GPR180: variants seen among roughly 807,000 people sequenced by gnomAD.
GPR180 encodes the protein G protein-coupled receptor 180.
Under a neutral mutation model 52.6 loss-of-function variants are expected in GPR180, and 53 were observed. The observed-to-expected ratio is 1.01, with a 90% confidence interval of 0.81 to 1.27. GPR180 has a LOEUF of 1.27. Ranked by LOEUF, GPR180 falls within the 50% of genes most tolerant of loss-of-function variation. The pLI is 0.00. For missense variants in GPR180, 533 were observed against 527.0 expected (o/e 1.01, Z -0.11); for synonymous variants, 200 against 193.1 (o/e 1.04, Z -0.30).
At chr13:94,623,721 A>G (rs1889886498) in intron 7 of GPR180, among the ~76,000 whole-genome samples, 2 of 151,780 alleles carry the variant, frequency 1.3e-5, no homozygotes, top group African/African-American at 4.8e-5. Context: ...TGTGACAGAC[A>G]CTACCATAAG....
Position 94,628,808 on chromosome 13 carries a change from T to C in GPR180, c.*1637T>C, listed in dbSNP as rs1889958706. ...CTTTTCTTTTATCATGTCTCGCTAA[T>C]AACCCCAGCTATTGTCTGTTGTGTT... On this transcript the variant is annotated 3_prime_UTR_variant, in exon 9 of 9. Transcript: ENST00000376958. The C allele has an allele frequency of 6.6e-6, 1 of 152,094 alleles. No individual in the cohort carries two copies. The highest frequency in any genetic ancestry group is 2.1e-4 in the South Asian group (1 of 4,830). 9.4% of individuals were successfully genotyped at this position (152,094 alleles called of 1,614,324 possible). A position where few individuals can be genotyped will look rare whatever the true frequency, so the allele number is the denominator to read the frequency against.
intron 1 of GPR180, among the ~76,000 whole-genome samples, chr13:94,605,123 G>T (rs568828674): frequency 6.6e-6 from 1 of 152,244 alleles, no homozygotes; most frequent in Non-Finnish European, 1.5e-5. Context: ...TTAATACAGT[G>T]AATTGTTCAA....
At chr13:94,624,704 G>A (rs573734633) in intron 7 of GPR180, among the ~76,000 whole-genome samples, 1 of 152,092 alleles carries the variant, frequency 6.6e-6, no homozygotes, top group African/African-American at 2.4e-5. Context: ...GCCCACGCCC[G>A]GCTAAGTTTT....
At position 94,623,199 on chromosome 13, in the gene GPR180, C is replaced by G. The variant is rs775687940; in HGVS notation, c.985C>G (p.Leu329Val). The change falls in exon 7 of 9, where the codon CTA (leucine) becomes GTA (valine). Residue 329 changes from leucine (L) to valine (V), a missense_variant. Physicochemically the swap from Leu to Val is conservative, Grantham distance 32 (BLOSUM62 1). Transcript: ENST00000376958. ...CTTAGCAGGGATCCTCCTAATTGTT[C>G]TAAGAATTTGCCTAGCATTGTCATT... ...HNLAGILLIV[L>V]RICLALSLGC... is the part of the protein sequence containing the mutation. 1.2e-6 allele frequency: 2 copies of G among 1,613,750 alleles called. No homozygotes were observed. Among genetic ancestry groups the G allele is most frequent in the South Asian group, 2.2e-5 (2 of 91,072 alleles).
chr13:94,626,295 G>A (rs1202464002), intron 8 of GPR180, among the ~76,000 whole-genome samples: 2 of 151,918 alleles, frequency 1.3e-5, no homozygotes, highest in Non-Finnish European at 2.9e-5. Flanking sequence ...TAGAAATTTT[G>A]TTTTATAAAT....
intron 2 of GPR180, among the ~76,000 whole-genome samples, chr13:94,611,935 TGTG>T (rs1330356888): frequency 1.3e-5 from 2 of 152,056 alleles, no homozygotes; most frequent in Non-Finnish European, 2.9e-5. Flanking sequence ...CCATTCTACT[TGTG>T]GTGTTTTATA....
At position 94,601,911 on chromosome 13, in the gene GPR180, C is replaced by A. The variant is rs1288362972; in HGVS notation, c.-17C>A. 2 of 1,466,520 alleles carry A rather than the reference C, an allele frequency of 1.4e-6. No homozygotes were observed. Among genetic ancestry groups the A allele is most frequent in the South Asian group, 2.7e-5 (2 of 74,792 alleles). The allele number at this position is 1,466,520 out of a possible 1,614,324, so 90.8% of individuals were successfully genotyped here. ...GCGGCTGGGAGCCGAGGCGTCGGTG[C>A]AGACCTGGAGACGGGCATGGGGGGG... On this transcript the variant is annotated 5_prime_UTR_variant, in exon 1 of 9. Coordinates refer to ENST00000376958, the MANE Select transcript of GPR180 (RefSeq NM_180989.6).
intron 3 of GPR180, among the ~76,000 whole-genome samples, chr13:94,616,210 G>A (rs904122135): frequency 6.6e-6 from 1 of 152,198 alleles, no homozygotes; most frequent in Non-Finnish European, 1.5e-5. Context: ...CTGGGTCATA[G>A]CATCATAAGA....
At position 94,632,948 on chromosome 13, in the gene GPR180, T is replaced by TA. The variant is rs1280089914; in HGVS notation, c.*5778dup. 1.3e-5 allele frequency: 2 copies of TA among 152,236 alleles called. No homozygotes were observed. Among genetic ancestry groups the TA allele is most frequent in the East Asian group, 1.9e-4 (1 of 5,196 alleles). 9.4% of individuals were successfully genotyped at this position (152,236 alleles called of 1,614,324 possible). A position where few individuals can be genotyped will look rare whatever the true frequency, so the allele number is the denominator to read the frequency against. On this transcript the variant is annotated 3_prime_UTR_variant, in exon 9 of 9. Coordinates refer to ENST00000376958, the MANE Select transcript of GPR180 (RefSeq NM_180989.6). ...TCAAGTGAACTTCCCTGGTTGGCAATACTCTGGTGTGTTCTAGGAGGGTGA... is the reference window on the plus strand; with the variant it reads ...TCAAGTGAACTTCCCTGGTTGGCAATAACTCTGGTGTGTTCTAGGAGGGTGA...
intron 7 of GPR180, among the ~76,000 whole-genome samples, chr13:94,625,216 A>G (rs1180127453): frequency 2.6e-5 from 4 of 152,262 alleles, no homozygotes; most frequent in African/African-American, 9.6e-5. Context: ...TTTAAGGAGT[A>G]GCAAAAAGTT....
At chr13:94,602,215 C>A in intron 1 of GPR180, 143 bp downstream of exon 1, 1 of 769,516 alleles carries the variant, frequency 1.3e-6, no homozygotes, top group Non-Finnish European at 1.8e-6. Flanking sequence ...TCCAGCGTTG[C>A]AGCAGCTGCC....
chr13:94,621,362 C>G, intron 6 of GPR180, 127 bp downstream of exon 6: 1 of 651,428 alleles, frequency 1.5e-6, no homozygotes, highest in Middle Eastern at 3.3e-4. Context: ...CTTGAAATTT[C>G]TGAGCTTCTA....
intron 2 of GPR180, among the ~76,000 whole-genome samples, 180 bp downstream of exon 2, chr13:94,605,729 G>T (rs111362190): frequency 1.5e-3 from 230 of 151,252 alleles, no homozygotes; most frequent in African/African-American, 5.4e-3. Context: ...ATCATTCATC[G>T]TTTTTGAAAA....
At position 94,625,896 on chromosome 13, in the gene GPR180, T is replaced by C. The variant is rs537738771; in HGVS notation, c.1087-70T>C. ...TCAGAACCTAAAAATGCTAGTAACA[T>C]TTTTTTGTCTGGTACATGCTGAAAA... On this transcript the variant is annotated intron_variant, in intron 7 of 8. Transcript: ENST00000376958. The C allele has an allele frequency of 1.5e-5, 17 of 1,119,494 alleles. No homozygotes were observed. The African/African-American group carries it at 2.3e-4, about 15-fold the overall frequency. The allele number at this position is 1,119,494 out of a possible 1,614,324, so 69.3% of individuals were successfully genotyped here. A position where few individuals can be genotyped will look rare whatever the true frequency, so the allele number is the denominator to read the frequency against.
intron 2 of GPR180, among the ~76,000 whole-genome samples, chr13:94,608,877 C>T (rs1023773404): frequency 2.6e-5 from 4 of 152,264 alleles, no homozygotes; most frequent in African/African-American, 9.6e-5. Flanking sequence ...TTGCTTGACT[C>T]TCCCAAATTA....
In GPR180 at chr13:94,632,026, T is replaced by G. The variant is rs1890005361; in HGVS notation, c.*4855T>G. 1 of 152,158 alleles carries G rather than the reference T, an allele frequency of 6.6e-6. No individual in the cohort carries two copies. Among genetic ancestry groups the G allele is most frequent in the Non-Finnish European group, 1.5e-5 (1 of 68,032 alleles). The allele number at this position is 152,158 out of a possible 1,614,324, so 9.4% of individuals were successfully genotyped here. A position where few individuals can be genotyped will look rare whatever the true frequency, so the allele number is the denominator to read the frequency against. On this transcript the variant is annotated 3_prime_UTR_variant, in exon 9 of 9. Transcript: ENST00000376958. ...AAGATGGGAAAACTAGAAATGACAATAACACTCAAATTGCAGCAGCCTGGG... is the reference window on the plus strand; with the variant it reads ...AAGATGGGAAAACTAGAAATGACAAGAACACTCAAATTGCAGCAGCCTGGG...
chr13:94,608,953 T>C (rs1446615991), intron 2 of GPR180, among the ~76,000 whole-genome samples: 1 of 152,216 alleles, frequency 6.6e-6, no homozygotes, highest in Non-Finnish European at 1.5e-5. Flanking sequence ...TAAAAAATAC[T>C]AAAAACTATT....
At chr13:94,610,696 C>T (rs1221852772) in intron 2 of GPR180, among the ~76,000 whole-genome samples, 2 of 152,164 alleles carry the variant, frequency 1.3e-5, no homozygotes, top group South Asian at 2.1e-4. Context: ...TACTTTTGCA[C>T]CAACCTAATA....
intron 2 of GPR180, among the ~76,000 whole-genome samples, chr13:94,606,156 T>C (rs1889627950): frequency 6.6e-6 from 1 of 152,036 alleles, no homozygotes; most frequent in Admixed American, 6.5e-5. Flanking sequence ...ATTAGACAGG[T>C]GTGATGGCAT....
Sources: allele counts gnomAD v4.1 joint callset (sites outside exome capture counted in the v4.1 genomes callset), GRCh38; gene constraint gnomAD v4.1.1; transcripts MANE v1.5; gene names NCBI Gene and HGNC (gene_info 2026-07-23, HGNC 2026-07-21).